Variants in LOXL2 observed in about 807,000 individuals in gnomAD.
LOXL2 encodes lysyl oxidase homolog 2.
Under a neutral mutation model 93.0 loss-of-function variants are expected in LOXL2, and 70 were observed. The ratio of observed to expected loss-of-function variants is 0.75; its 90% CI spans 0.62 to 0.92. The LOEUF (loss-of-function observed/expected upper bound fraction) is 0.92. LOXL2 is among the 40% of genes least tolerant of loss of function. The pLI, the probability that LOXL2 is intolerant of heterozygous loss-of-function variation, is 0.00. For synonymous variants in LOXL2, 438 were observed against 413.2 expected (o/e 1.06, Z -0.73); for missense variants, 973 against 1,054.9 (o/e 0.92, Z 1.08).
At position 23,349,036 on chromosome 8, in the gene LOXL2, C is replaced by T. The variant is rs541561834; in HGVS notation, c.532-7833G>A. ...CTTTTCATCGAGTCATTGAGGGATG[C>T]TCCTGCCTCTAGCTTTGCAGACCTT... On this transcript the variant is annotated intron_variant, in intron 3 of 13. Coordinates refer to ENST00000389131, the MANE Select transcript of LOXL2 (RefSeq NM_002318.3). 4.7e-4 allele frequency among the ~76,000 whole-genome samples: 72 copies of T among 152,286 alleles called. 2 individuals are homozygous for T. The South Asian group carries it at 0.014, about 30-fold the overall frequency.
At chr8:23,355,343 T>A (rs1477637224) in intron 3 of LOXL2, among the ~76,000 whole-genome samples, 1 of 151,982 alleles carries the variant, frequency 6.6e-6, no homozygotes, top group African/African-American at 2.4e-5. Flanking sequence ...GACAAAAAAC[T>A]TCATTTCCTC....
At chr8:23,359,789 T>C (rs771834100) in intron 3 of LOXL2, among the ~76,000 whole-genome samples, 7 of 152,158 alleles carry the variant, frequency 4.6e-5, no homozygotes, top group Non-Finnish European at 1.0e-4. Context: ...TCTTTCCAGC[T>C]TCAGTTAACC....
chr8:23,402,193 G>A (rs955066353), intron 1 of LOXL2, among the ~76,000 whole-genome samples: 5 of 151,846 alleles, frequency 3.3e-5, no homozygotes, highest in African/African-American at 9.7e-5. Context: ...ACGTGCCCGC[G>A]CACACACACC....
In LOXL2 at chr8:23,298,065, T is replaced by C. The variant is rs1278226356; in HGVS notation, c.2303A>G (p.Asn768Ser). The change falls in exon 14 of 14, where the codon AAC (asparagine) becomes AGC (serine). Residue 768 changes from asparagine to serine, a missense_variant. Physicochemically the swap from Asn to Ser is conservative, Grantham distance 46. Coordinates refer to ENST00000389131, the MANE Select transcript of LOXL2 (RefSeq NM_002318.3). ...TCTTTACTGCGGGGACAGCTGGTTG[T>C]TTAAGAGCCCGCTGAAGTGCTCAAA... ...KKFEHFSGLL[N>S]NQLSPQ is the part of the protein sequence containing the mutation. 1 of 1,613,914 alleles carries C rather than the reference T, an allele frequency of 6.2e-7. No individual in the cohort carries two copies. The highest frequency in any genetic ancestry group is 8.5e-7 in the Non-Finnish European group (1 of 1,180,000).
chr8:23,346,286 A>G (rs1226766704), intron 3 of LOXL2, among the ~76,000 whole-genome samples: 1 of 152,142 alleles, frequency 6.6e-6, no homozygotes, highest in Non-Finnish European at 1.5e-5. Context: ...AATTCAAGCT[A>G]AAACCTGATG....
chr8:23,355,609 CT>C (rs1347524759), intron 3 of LOXL2, among the ~76,000 whole-genome samples: 281 of 82,178 alleles, frequency 3.4e-3, no homozygotes, highest in Middle Eastern at 7.7e-3. Flanking sequence ...AAGATTTGTT[CT>C]TTTTTTTTTT....
intron 3 of LOXL2, among the ~76,000 whole-genome samples, chr8:23,352,157 G>C (rs554215750): frequency 3.9e-5 from 6 of 152,302 alleles, no homozygotes; most frequent in Admixed American, 2.0e-4. Flanking sequence ...AAGGGCGAGA[G>C]ACAAAACCCA....
chr8:23,370,197 T>C (rs1309816083), intron 1 of LOXL2, among the ~76,000 whole-genome samples: 1 of 152,112 alleles, frequency 6.6e-6, no homozygotes, highest in Non-Finnish European at 1.5e-5. Flanking sequence ...TCCCATCATA[T>C]CAGCCTATAC....
intron 1 of LOXL2, among the ~76,000 whole-genome samples, chr8:23,375,437 T>C (rs1449994969): frequency 6.6e-6 from 1 of 152,166 alleles, no homozygotes; most frequent in Non-Finnish European, 1.5e-5. Flanking sequence ...AGGCTCTTTT[T>C]TGGTTCCATA....
intron 9 of LOXL2, among the ~76,000 whole-genome samples, chr8:23,312,600 C>CA (rs1205296839): frequency 1.3e-5 from 1 of 77,392 alleles, no homozygotes; most frequent in Non-Finnish European, 2.6e-5. Flanking sequence ...AATTCAACAA[C>CA]CCTTCATGCT....
Position 23,316,983 on chromosome 8 carries a change from T to A in LOXL2, c.1602A>T (p.Gly534=), listed in dbSNP as rs1265699477. The change falls in exon 9 of 14, where the codon GGA becomes GGT. Residue 534 remains glycine, a synonymous_variant. Transcript: ENST00000389131. ...AGGCAACTCCGGCCCCGTACTGCAC[T>A]CCGCCCTGGGGGCAGGCCACGTCCT... The part of the protein sequence containing the change: ...DGEDVACPQG[G]VQYGAGVACS... 8 of 1,613,384 alleles carry A rather than the reference T, an allele frequency of 5.0e-6. No homozygotes were observed. The highest frequency in any genetic ancestry group is 4.5e-5 in the East Asian group (2 of 44,870).
Position 23,297,637 on chromosome 8 carries a change from C to T in LOXL2, c.*406G>A, listed in dbSNP as rs533136424. Reference sequence around the variant, plus strand: ...GAGAAATGGGGTTCGGCCTGACCCTCTCTGGGGGGGCTGATGAGCCCGCAT... The same window carrying T: ...GAGAAATGGGGTTCGGCCTGACCCTTTCTGGGGGGGCTGATGAGCCCGCAT... On this transcript the variant is annotated 3_prime_UTR_variant, in exon 14 of 14. Coordinates refer to ENST00000389131, the MANE Select transcript of LOXL2 (RefSeq NM_002318.3). 3.5e-5 allele frequency: 6 copies of T among 173,276 alleles called. No individual in the cohort carries two copies. The highest frequency in any genetic ancestry group is 1.2e-4 in the African/African-American group (5 of 42,356). The allele number at this position is 173,276 out of a possible 1,614,324, so 10.7% of individuals were successfully genotyped here. A position where few individuals can be genotyped will look rare whatever the true frequency, so the allele number is the denominator to read the frequency against.
Position 23,340,763 on chromosome 8 carries a change from G to C in LOXL2, c.743+229C>G, listed in dbSNP as rs982251134. On this transcript the variant is annotated intron_variant, in intron 4 of 13. Transcript: ENST00000389131. ...TTCCCACAAGCTACTCTAGGGATTAGGGTCTATCTCCTGTAGATGTGTGAG... is the reference window on the plus strand; with the variant it reads ...TTCCCACAAGCTACTCTAGGGATTACGGTCTATCTCCTGTAGATGTGTGAG... 2.0e-5 allele frequency among the ~76,000 whole-genome samples: 3 copies of C among 152,142 alleles called. No individual in the cohort carries two copies. In the South Asian group the frequency reaches 6.2e-4, roughly 32 times the overall value.
intron 1 of LOXL2, among the ~76,000 whole-genome samples, chr8:23,380,094 C>T (rs1009281128): frequency 2.0e-5 from 3 of 152,144 alleles, no homozygotes; most frequent in Admixed American, 6.5e-5. Flanking sequence ...CCCCTCGCAA[C>T]GTTTTAAAAG....
intron 12 of LOXL2, among the ~76,000 whole-genome samples, chr8:23,301,485 T>TA (rs1803130881): frequency 6.6e-6 from 1 of 152,220 alleles, no homozygotes; most frequent in Non-Finnish European, 1.5e-5. Context: ...TTCAGTATTT[T>TA]ATTCTTATAG....
At chr8:23,299,703 A>G (rs1803096170) in intron 12 of LOXL2, among the ~76,000 whole-genome samples, 1 of 152,216 alleles carries the variant, frequency 6.6e-6, no homozygotes, top group African/African-American at 2.4e-5. Context: ...GACACAGATG[A>G]CAGGCCTTCC....
At chr8:23,341,366 G>A (rs1803880967) in intron 3 of LOXL2, 163 bp from the exon 4 acceptor site, 2 of 638,398 alleles carry the variant, frequency 3.1e-6, no homozygotes, top group South Asian at 1.8e-5. Flanking sequence ...AGGGGCACAC[G>A]GCCCAAGCTG....
At chr8:23,360,316 G>C (rs747604383) in intron 2 of LOXL2, 51 bp from the exon 3 acceptor site, 15 of 1,419,978 alleles carry the variant, frequency 1.1e-5, no homozygotes, top group Non-Finnish European at 9.7e-6. Context: ...ATGCAGGTCT[G>C]AGTCTTTGCG....
chr8:23,339,674 G>A (rs975307940), intron 4 of LOXL2, among the ~76,000 whole-genome samples: 2 of 152,190 alleles, frequency 1.3e-5, no homozygotes, highest in Admixed American at 6.5e-5. Flanking sequence ...CGACTGGTAA[G>A]AAAAGCTGAG....
Sources: allele counts gnomAD v4.1 joint callset (sites outside exome capture counted in the v4.1 genomes callset), GRCh38; gene constraint gnomAD v4.1.1; transcripts MANE v1.5; gene names NCBI Gene and HGNC (gene_info 2026-07-23, HGNC 2026-07-21).